The following SNX4 variants were observed in gnomAD, a reference collection of about 807,000 sequenced individuals.
The protein encoded by SNX4 is sorting nexin 4, also known as sorting nexin-4.
Under a neutral mutation model 70.8 loss-of-function variants are expected in SNX4, and 49 were observed. That is an observed-to-expected ratio of 0.69 (90% CI 0.55 to 0.88). The LOEUF (loss-of-function observed/expected upper bound fraction) is 0.88. Ranked by LOEUF, SNX4 falls within the 40% of genes least tolerant of loss-of-function variation. The pLI, the probability that SNX4 is intolerant of heterozygous loss-of-function variation, is 0.00. For synonymous variants in SNX4, 206 were observed against 183.8 expected (o/e 1.12, Z -0.98); for missense variants, 528 against 544.8 (o/e 0.97, Z 0.31).
At chr3:125,457,222 C>A in intron 11 of SNX4, 44 bp downstream of exon 11, 1 of 1,338,362 alleles carries the variant, frequency 7.5e-7, no homozygotes, top group South Asian at 1.2e-5. Flanking sequence ...AGGAACATTC[C>A]GTGTTGCTAC....
chr3:125,506,830 A>G (rs1317072364), intron 1 of SNX4, among the ~76,000 whole-genome samples: 18 of 127,218 alleles, frequency 1.4e-4, no homozygotes, highest in South Asian at 4.9e-4. Context: ...AAAAAAAAAA[A>G]AAAAAAAAAA....
chr3:125,513,149 A>C (rs2107573792), intron 1 of SNX4, among the ~76,000 whole-genome samples: 1 of 152,342 alleles, frequency 6.6e-6, no homozygotes, highest in South Asian at 2.1e-4. Flanking sequence ...AGATTAGGAC[A>C]TGAGGGTAGG....
chr3:125,471,344 C>CAAAAAAAAAAAAAAAAAAAAAAAAAAAA lies in SNX4; in HGVS notation c.789-1826_789-1825insTTTTTTTTTTTTTTTTTTTTTTTTTTTT, dbSNP rs767432586. Among the ~76,000 whole-genome samples, 17 of 28,162 alleles carry CAAAAAAAAAAAAAAAAAAAAAAAAAAAA rather than the reference C, an allele frequency of 6.0e-4. 1 individual carries two copies. Among genetic ancestry groups the CAAAAAAAAAAAAAAAAAAAAAAAAAAAA allele is most frequent in the African/African-American group, 1.5e-3 (8 of 5,456 alleles). The allele number at this position is 28,162 out of a possible 152,430, so 18.5% of individuals were successfully genotyped here. A position where few individuals can be genotyped will look rare whatever the true frequency, so the allele number is the denominator to read the frequency against. On this transcript the variant is annotated intron_variant, in intron 8 of 13. Transcript: ENST00000251775. ...GGGCAACAAGAGCAAAGCTCCATCT[C>CAAAAAAAAAAAAAAAAAAAAAAAAAAAA]AAAAAAAAAAAAAAAAAAAAAAAAA...
At chr3:125,471,373 CT>C in intron 8 of SNX4, among the ~76,000 whole-genome samples, 1 of 70,314 alleles carries the variant, frequency 1.4e-5, no homozygotes, top group East Asian at 3.5e-4. Flanking sequence ...AAAAAAAAAG[CT>C]TTTCACCACT....
chr3:125,457,876 C>T (rs948402568), intron 10 of SNX4, among the ~76,000 whole-genome samples: 1 of 151,856 alleles, frequency 6.6e-6, no homozygotes, highest in African/African-American at 2.4e-5. Flanking sequence ...CTGTACCCGG[C>T]CAAAAACGTC....
intron 1 of SNX4, among the ~76,000 whole-genome samples, chr3:125,517,742 G>A (rs938090713): frequency 2.6e-5 from 4 of 152,230 alleles, no homozygotes; most frequent in African/African-American, 9.6e-5. Flanking sequence ...TTAGGAGGCT[G>A]AGGCAGGCGG....
At chr3:125,450,297 T>G (rs564404833) in intron 13 of SNX4, among the ~76,000 whole-genome samples, 41 of 152,350 alleles carry the variant, frequency 2.7e-4, no homozygotes, top group African/African-American at 8.7e-4. Context: ...TATAATTCAC[T>G]GAGCATAAAT....
Position 125,447,131 on chromosome 3 carries a change from A to G in SNX4, c.*648T>C, listed in dbSNP as rs1460320970. 6.6e-6 allele frequency: 1 copy of G among 152,622 alleles called. No individual in the cohort carries two copies. Among genetic ancestry groups the G allele is most frequent in the Non-Finnish European group, 1.5e-5 (1 of 68,026 alleles). 9.5% of individuals were successfully genotyped at this position (152,622 alleles called of 1,614,324 possible). ...TATATAGGAGTTGCTAGAGGATGAC[A>G]ATGTATCCCATTATAGATCTGAGAA... On this transcript the variant is annotated 3_prime_UTR_variant, in exon 14 of 14. Coordinates refer to ENST00000251775, the MANE Select transcript of SNX4 (RefSeq NM_003794.4).
chr3:125,459,135 C>CTG (rs1181830745), intron 10 of SNX4, among the ~76,000 whole-genome samples: 1 of 152,074 alleles, frequency 6.6e-6, no homozygotes, highest in Non-Finnish European at 1.5e-5. Flanking sequence ...GATTGTGCCA[C>CTG]TGTACTCCAG....
At chr3:125,475,438 C>G (rs1934269971) in intron 8 of SNX4, among the ~76,000 whole-genome samples, 1 of 152,124 alleles carries the variant, frequency 6.6e-6, no homozygotes. Context: ...GATCTCAGCT[C>G]ACTGCAACCT....
In SNX4 at chr3:125,480,286, T is replaced by G. The variant is rs770371278; in HGVS notation, c.687A>C (p.Glu229Asp). 1.3e-5 allele frequency: 21 copies of G among 1,575,402 alleles called. No individual in the cohort carries two copies. Among genetic ancestry groups the G allele is most frequent in the South Asian group, 1.2e-4 (10 of 84,568 alleles). The part of the protein sequence containing the change: ...RFTDLKHYSD[E>D]LQSVISHLLR... ...GAAGATGTGAGATGACAGACTGCAG[T>G]TCATCACTATAGTGCTTAAGGTCAG... Residue 229 changes from glutamate to aspartate, a missense_variant, in exon 7 of 14, where the codon GAA becomes GAC. Glu to Asp is a conservative substitution (Grantham distance 45). Coordinates refer to ENST00000251775, the MANE Select transcript of SNX4 (RefSeq NM_003794.4).
chr3:125,502,712 T>C (rs1934955733), intron 2 of SNX4, among the ~76,000 whole-genome samples: 1 of 151,452 alleles, frequency 6.6e-6, no homozygotes, highest in Non-Finnish European at 1.5e-5. Flanking sequence ...CTACTAAAAC[T>C]ACATGGTGAC....
intron 5 of SNX4, among the ~76,000 whole-genome samples, chr3:125,489,741 A>G (rs1934609339): frequency 6.6e-6 from 1 of 152,264 alleles, no homozygotes; most frequent in African/African-American, 2.4e-5. Flanking sequence ...ATAGCTCTGC[A>G]TTATTAGAAT....
chr3:125,473,741 T>C (rs919414707), intron 8 of SNX4, among the ~76,000 whole-genome samples: 1 of 152,134 alleles, frequency 6.6e-6, no homozygotes, highest in African/African-American at 2.4e-5. Flanking sequence ...ACAGTATAAC[T>C]CCAAGCATTA....
At chr3:125,499,578 T>A (rs910959364) in intron 2 of SNX4, among the ~76,000 whole-genome samples, 1 of 152,146 alleles carries the variant, frequency 6.6e-6, no homozygotes, top group African/African-American at 2.4e-5. Context: ...TACCTAGACA[T>A]TAGTTATAAC....
At chr3:125,504,167 C>T (rs1296178219) in intron 2 of SNX4, among the ~76,000 whole-genome samples, 1 of 152,042 alleles carries the variant, frequency 6.6e-6, no homozygotes, top group Non-Finnish European at 1.5e-5. Context: ...CCTGTCTCTA[C>T]TAAAAACACA....
chr3:125,453,977 T>A (rs779390008), intron 11 of SNX4, 22 bp from the exon 12 acceptor site: 3 of 1,605,808 alleles, frequency 1.9e-6, no homozygotes, highest in South Asian at 2.2e-5. Flanking sequence ...CAGAAACAGA[T>A]GAATGGATAA....
chr3:125,505,024 C>T (rs1008753187), intron 1 of SNX4, among the ~76,000 whole-genome samples: 2 of 152,168 alleles, frequency 1.3e-5, no homozygotes, highest in African/African-American at 4.8e-5. Context: ...GGCTGAAGTG[C>T]ACTGGCGCGA....
At chr3:125,501,283 T>C (rs1934927000) in intron 2 of SNX4, among the ~76,000 whole-genome samples, 2 of 149,958 alleles carry the variant, frequency 1.3e-5, no homozygotes, top group South Asian at 4.2e-4. Flanking sequence ...TAAACCTGTC[T>C]TAAAATGGAA....
Sources: allele counts gnomAD v4.1 joint callset (sites outside exome capture counted in the v4.1 genomes callset), GRCh38; gene constraint gnomAD v4.1.1; transcripts MANE v1.5; gene names NCBI Gene and HGNC (gene_info 2026-07-23, HGNC 2026-07-21).